Variants in EXT1 observed in about 807,000 individuals in gnomAD.
EXT1 encodes the protein exostosin glycosyltransferase 1.
Under a neutral mutation model 82.5 loss-of-function variants are expected in EXT1, and 20 were observed. The observed-to-expected ratio is 0.24, with a 90% confidence interval of 0.17 to 0.35. The LOEUF is 0.35. EXT1 is among the 10% of genes least tolerant of loss of function. The pLI, the probability that EXT1 is intolerant of heterozygous loss-of-function variation, is 1.00. For missense variants in EXT1, 757 were observed against 936.5 expected (o/e 0.81, Z 2.50); for synonymous variants, 348 against 350.8 (o/e 0.99, Z 0.09).
chr8:118,005,073 T>C (rs1715636789), intron 1 of EXT1, among the ~76,000 whole-genome samples: 1 of 151,768 alleles, frequency 6.6e-6, no homozygotes. Context: ...GTGATTTGCA[T>C]GAGATCACAG....
chr8:117,818,455 C>T lies in EXT1; in HGVS notation c.1612G>A (p.Val538Ile), dbSNP rs767492816. The T allele has an allele frequency of 1.1e-4, 182 of 1,614,002 alleles. No individual in the cohort carries two copies. The highest frequency in any genetic ancestry group is 3.8e-4 in the East Asian group (17 of 44,886). Residue 538 changes from valine (V) to isoleucine (I), a missense_variant, in exon 7 of 11, where the codon GTC (valine) becomes ATC (isoleucine). Coordinates refer to ENST00000378204, the MANE Select transcript of EXT1 (RefSeq NM_000127.3). ...CTTACCTTGCTCTCTCCTTCAATGA[C>T]GACGACAGGCACAGCAGTGGCAGGC... ...RWPATAVPVV[V>I]IEGESKVMSS...
chr8:117,935,024 C>T (rs1446703007), intron 1 of EXT1, among the ~76,000 whole-genome samples: 3 of 152,188 alleles, frequency 2.0e-5, no homozygotes, highest in Non-Finnish European at 4.4e-5. Context: ...CTTATCAAGA[C>T]AGACCTGGCT....
At chr8:117,912,635 A>G (rs907018074) in intron 1 of EXT1, among the ~76,000 whole-genome samples, 2 of 152,204 alleles carry the variant, frequency 1.3e-5, no homozygotes, top group African/African-American at 4.8e-5. Flanking sequence ...GCAGAGGCCA[A>G]GGAGGAGCGA....
At chr8:117,881,609 G>A (rs534370338) in intron 1 of EXT1, among the ~76,000 whole-genome samples, 1 of 152,312 alleles carries the variant, frequency 6.6e-6, no homozygotes, top group African/African-American at 2.4e-5. Flanking sequence ...TTGTAATGCA[G>A]ATGATTGGTT....
chr8:118,091,395 C>G (rs778107865), intron 1 of EXT1, among the ~76,000 whole-genome samples: 1 of 152,156 alleles, frequency 6.6e-6, no homozygotes, highest in Non-Finnish European at 1.5e-5. Context: ...TGGATATATA[C>G]CTTCTAAACT....
intron 1 of EXT1, among the ~76,000 whole-genome samples, chr8:117,870,705 C>A (rs1812853291): frequency 6.6e-6 from 1 of 152,002 alleles, no homozygotes; most frequent in African/African-American, 2.4e-5. Context: ...TACAGATGAA[C>A]TTTACCATTC....
chr8:117,883,392 C>T (rs17503990), intron 1 of EXT1, among the ~76,000 whole-genome samples: 3,444 of 152,300 alleles, frequency 0.023, 142 homozygotes, highest in African/African-American at 0.079. Context: ...CTTGAGATTA[C>T]AACTTATTTC....
At chr8:117,832,472 G>A (rs1019722000) in intron 3 of EXT1, among the ~76,000 whole-genome samples, 1 of 151,708 alleles carries the variant, frequency 6.6e-6, no homozygotes, top group Non-Finnish European at 1.5e-5. Flanking sequence ...GCAGTGAGCT[G>A]AGATTGCACC....
Position 118,091,507 on chromosome 8 carries a change from G to A in EXT1, c.962+18578C>T, listed in dbSNP as rs578158596. Among the ~76,000 whole-genome samples the A allele has an allele frequency of 8.5e-4, 129 of 152,226 alleles. 2 individuals are homozygous for A. In the South Asian group the frequency reaches 0.025, roughly 30 times the overall value. ...TAATCCCAGCACTTTGGGAGGCCGA[G>A]GCGGGCGGATCACGAGGTCAGGAGA... is the stretch of plus-strand genomic sequence containing the variant. On this transcript the variant is annotated intron_variant, in intron 1 of 10. Coordinates refer to ENST00000378204, the MANE Select transcript of EXT1 (RefSeq NM_000127.3).
At chr8:117,834,411 C>A (rs2129783362) in intron 3 of EXT1, among the ~76,000 whole-genome samples, 1 of 152,162 alleles carries the variant, frequency 6.6e-6, no homozygotes, top group South Asian at 2.1e-4. Context: ...TCGAGAACAG[C>A]ATGACCAACA....
In EXT1 at chr8:118,111,249, C is replaced by G. The variant is rs928125440; in HGVS notation, c.-203G>C. 39 of 758,402 alleles carry G rather than the reference C, an allele frequency of 5.1e-5. 1 individual carries two copies. In the South Asian group the frequency reaches 6.6e-4, roughly 13 times the overall value. 47.0% of individuals were successfully genotyped at this position (758,402 alleles called of 1,614,324 possible). A position where few individuals can be genotyped will look rare whatever the true frequency, so the allele number is the denominator to read the frequency against. On this transcript the variant is annotated 5_prime_UTR_variant, in exon 1 of 11. Transcript: ENST00000378204. ...TTTCTTTAACTTTCTCCCCTTCGGTCTTTCATCTTTGGGTTGCACAATGCA... is the reference window on the plus strand; with the variant it reads ...TTTCTTTAACTTTCTCCCCTTCGGTGTTTCATCTTTGGGTTGCACAATGCA...
In EXT1 at chr8:117,798,277, T is replaced by A. The variant is rs1299807755; in HGVS notation, c.*1435A>T. The A allele has an allele frequency of 6.6e-6, 1 of 152,224 alleles. No individual in the cohort carries two copies. Among genetic ancestry groups the A allele is most frequent in the Non-Finnish European group, 1.5e-5 (1 of 68,038 alleles). 9.4% of individuals were successfully genotyped at this position (152,224 alleles called of 1,614,324 possible). A position where few individuals can be genotyped will look rare whatever the true frequency, so the allele number is the denominator to read the frequency against. On this transcript the variant is annotated 3_prime_UTR_variant, in exon 11 of 11. Transcript: ENST00000378204. ...GGAGGGACTCTAAAGTGCTTATTGT[T>A]TATTCAGCATAATACATGGTCAAAC...
intron 1 of EXT1, among the ~76,000 whole-genome samples, chr8:117,900,509 T>C (rs1586273343): frequency 1.3e-5 from 2 of 152,256 alleles, no homozygotes; most frequent in South Asian, 2.1e-4. Context: ...ATGAAATAAA[T>C]TCATTGTTGG....
At chr8:117,823,109 G>C (rs751460881) in intron 4 of EXT1, among the ~76,000 whole-genome samples, 72 of 152,150 alleles carry the variant, frequency 4.7e-4, no homozygotes, top group Non-Finnish European at 7.9e-4. Flanking sequence ...GTGTATACTT[G>C]TCATATTTCA....
At chr8:117,870,770 C>T (rs1344207949) in intron 1 of EXT1, among the ~76,000 whole-genome samples, 1 of 151,476 alleles carries the variant, frequency 6.6e-6, no homozygotes, top group Non-Finnish European at 1.5e-5. Context: ...TATCACTCTA[C>T]TTGGTGTCCC....
intron 1 of EXT1, among the ~76,000 whole-genome samples, chr8:117,955,013 T>TG (rs1814560012): frequency 6.6e-6 from 1 of 152,164 alleles, no homozygotes; most frequent in African/African-American, 2.4e-5. Context: ...CATGACTCCC[T>TG]CCTCAAGTTC....
At chr8:118,096,722 A>C (rs1183616249) in intron 1 of EXT1, among the ~76,000 whole-genome samples, 4 of 151,340 alleles carry the variant, frequency 2.6e-5, no homozygotes, top group Non-Finnish European at 5.9e-5. Context: ...GAAGGAAAGG[A>C]AGGAAGAAAG....
At chr8:117,947,091 T>C (rs1814403862) in intron 1 of EXT1, among the ~76,000 whole-genome samples, 1 of 152,138 alleles carries the variant, frequency 6.6e-6, no homozygotes, top group Non-Finnish European at 1.5e-5. Flanking sequence ...ATTAATTCCA[T>C]TTAGGATTTG....
At position 117,798,475 on chromosome 8, in the gene EXT1, A is replaced by G. The variant is rs1563871185; in HGVS notation, c.*1237T>C. The stretch of plus-strand genomic sequence containing the variant: ...CCCAAGATAGCATTTTCAGGGATAG[A>G]AATGTTCTTTTTAACAAGAAGCACA... On this transcript the variant is annotated 3_prime_UTR_variant, in exon 11 of 11. Coordinates refer to ENST00000378204, the MANE Select transcript of EXT1 (RefSeq NM_000127.3). 6.6e-6 allele frequency: 1 copy of G among 152,166 alleles called. No individual in the cohort carries two copies. Among genetic ancestry groups the G allele is most frequent in the Non-Finnish European group, 1.5e-5 (1 of 68,030 alleles). The allele number at this position is 152,166 out of a possible 1,614,324, so 9.4% of individuals were successfully genotyped here.
Sources: gnomAD v4.1 joint callset for allele counts (sites outside exome capture counted in the v4.1 genomes callset) on GRCh38, gnomAD v4.1.1 for gene constraint, MANE v1.5 for transcripts, NCBI Gene and HGNC (gene_info 2026-07-23, HGNC 2026-07-21) for gene names.